The following SANBR variants were observed in gnomAD, a reference collection of about 807,000 sequenced individuals.
SANBR encodes the protein SANT and BTB domain regulator of class switch recombination.
Under a neutral mutation model 101.8 loss-of-function variants are expected in SANBR, and 77 were observed. The observed-to-expected ratio is 0.76, with a 90% CI of 0.63 to 0.91. The LOEUF is 0.91. Among genes scored for constraint, SANBR ranks in the 40% least tolerant of loss-of-function variants. The probability of loss-of-function intolerance (pLI) is 0.00; values close to 1 mark genes in which losing one functional copy is unlikely to be tolerated. For synonymous variants in SANBR, 279 were observed against 274.7 expected, an observed-to-expected ratio of 1.02 and a Z score of -0.15; for missense variants, 875 against 853.0, an observed-to-expected ratio of 1.03 and a Z score of -0.32.
rs1684364646 is a variant in SANBR, at chr2:61,122,307, A to G, written c.*145A>G. On this transcript the variant is annotated 3_prime_UTR_variant, in exon 22 of 22. Coordinates refer to ENST00000402291, the MANE Select transcript of SANBR (RefSeq NM_001129993.3). Reference sequence around the variant, plus strand: ...TCCACATAAATCATAATTCTAAAAGAAATGCATAGTTAGGTTTTATGAAAA... The same window carrying G: ...TCCACATAAATCATAATTCTAAAAGGAATGCATAGTTAGGTTTTATGAAAA... 5.4e-6 allele frequency: 7 copies of G among 1,288,828 alleles called. No homozygotes were observed. Among genetic ancestry groups the G allele is most frequent in the Non-Finnish European group, 7.1e-6 (7 of 989,786 alleles). 79.8% of individuals were successfully genotyped at this position (1,288,828 alleles called of 1,614,324 possible). A position where few individuals can be genotyped will look rare whatever the true frequency, so the allele number is the denominator to read the frequency against.
At chr2:61,073,403 A>G (rs1363685215) in intron 4 of SANBR, 55 bp from the exon 5 acceptor site, 2 of 840,180 alleles carry the variant, frequency 2.4e-6, no homozygotes, top group Non-Finnish European at 3.8e-6. Flanking sequence ...ATTCTCAGCT[A>G]GAAACACTAA....
chr2:61,070,507 A>T lies in SANBR; in HGVS notation c.150+7A>T, dbSNP rs773516899. The T allele has an allele frequency of 1.1e-5, 17 of 1,603,990 alleles. No homozygotes were observed. In the East Asian group the frequency reaches 3.6e-4, roughly 34 times the overall value. On this transcript the variant is annotated splice_region_variant and intron_variant, in intron 3 of 21. Transcript: ENST00000402291. ...TGGATTAACACCAAAAGAGGTAAAT[A>T]ACAGTCCCCCCAGAATATCTCCTGA...
intron 8 of SANBR, among the ~76,000 whole-genome samples, chr2:61,083,635 C>CGTGATCT (rs1682265144): frequency 6.6e-6 from 1 of 151,902 alleles, no homozygotes; most frequent in Non-Finnish European, 1.5e-5. Context: ...TTTGGGAGGC[C>CGTGATCT]GAGGCGGGCA....
At chr2:61,106,892 C>T (rs1253045691) in intron 14 of SANBR, among the ~76,000 whole-genome samples, 2 of 152,066 alleles carry the variant, frequency 1.3e-5, no homozygotes, top group South Asian at 2.1e-4. Flanking sequence ...GGGCCAGCCA[C>T]GGTGACTCAG....
At chr2:61,120,909 C>G (rs1684304313) in intron 20 of SANBR, among the ~76,000 whole-genome samples, 1 of 151,962 alleles carries the variant, frequency 6.6e-6, no homozygotes, top group Non-Finnish European at 1.5e-5. Flanking sequence ...GTAGGTAGAT[C>G]GACTTGACAG....
At position 61,083,946 on chromosome 2, in the gene SANBR, T is replaced by C. The variant is rs565152051; in HGVS notation, c.890+632T>C. On this transcript the variant is annotated intron_variant, in intron 8 of 21. Transcript: ENST00000402291. ...TTTGAAATTAATTTTTACTCTCTCT[T>C]TTCATTTATAGTTAGCTTATTATTA... is the stretch of plus-strand genomic sequence containing the variant. 2.7e-3 allele frequency among the ~76,000 whole-genome samples: 414 copies of C among 152,174 alleles called. 1 individual carries two copies. The highest frequency in any genetic ancestry group is 9.7e-3 in the African/African-American group (404 of 41,538).
chr2:61,110,642 G>C (rs1168550951), intron 16 of SANBR, among the ~76,000 whole-genome samples: 1 of 152,124 alleles, frequency 6.6e-6, no homozygotes, highest in African/African-American at 2.4e-5. Flanking sequence ...TTGTGCCATT[G>C]CACTCCAGCC....
At position 61,092,530 on chromosome 2, in the gene SANBR, T is replaced by C; in HGVS notation, c.1155T>C (p.Asp385=). The change falls in exon 11 of 22, where the codon GAT becomes GAC. Residue 385 remains aspartate (D), a synonymous_variant. Coordinates refer to ENST00000402291, the MANE Select transcript of SANBR (RefSeq NM_001129993.3). ...SLFEELKSWR[D]VYWRLWGTIN... Reference sequence around the variant, plus strand: ...TCGAAGAATTAAAATCTTGGAGAGATGTATACTGGCGATTGTGGGGAACAA... The same window carrying C: ...TCGAAGAATTAAAATCTTGGAGAGACGTATACTGGCGATTGTGGGGAACAA... 1 of 1,608,078 alleles carries C rather than the reference T, an allele frequency of 6.2e-7. No homozygotes were observed. Among genetic ancestry groups the C allele is most frequent in the South Asian group, 1.1e-5 (1 of 89,162 alleles).
At chr2:61,098,145 C>G (rs938171910) in intron 12 of SANBR, among the ~76,000 whole-genome samples, 53 of 149,814 alleles carry the variant, frequency 3.5e-4, no homozygotes, top group African/African-American at 1.3e-3. Flanking sequence ...GCTCTGTTGC[C>G]CAGGGTGGAG....
chr2:61,077,224 C>A, intron 6 of SANBR, 66 bp downstream of exon 6: 1 of 1,139,530 alleles, frequency 8.8e-7, no homozygotes, highest in Non-Finnish European at 1.3e-6. Context: ...TTCTTCAGGC[C>A]AAAAGTGAAA....
At chr2:61,091,603 A>G (rs1466218588) in intron 10 of SANBR, among the ~76,000 whole-genome samples, 1 of 117,468 alleles carries the variant, frequency 8.5e-6, no homozygotes, top group African/African-American at 3.4e-5. Flanking sequence ...CAAAAAAAAA[A>G]AAAAAAATTA....
At chr2:61,115,218 T>C (rs1684015822) in intron 16 of SANBR, among the ~76,000 whole-genome samples, 2 of 152,182 alleles carry the variant, frequency 1.3e-5, no homozygotes, top group Non-Finnish European at 2.9e-5. Context: ...CTTTCATTAG[T>C]TAATAGATGC....
chr2:61,079,706 A>C (rs1681989450), intron 6 of SANBR, among the ~76,000 whole-genome samples: 1 of 152,110 alleles, frequency 6.6e-6, no homozygotes. Flanking sequence ...GAAATGCAGC[A>C]AGCCTGGCCA....
chr2:61,084,922 G>A (rs1200811823), intron 8 of SANBR, among the ~76,000 whole-genome samples: 1 of 152,152 alleles, frequency 6.6e-6, no homozygotes, highest in East Asian at 1.9e-4. Context: ...TGGGGAGAGA[G>A]AGAGGATTCC....
chr2:61,134,138 C>T (rs1559160845), exon 21 of SANBR: 1 of 1,614,074 alleles, frequency 6.2e-7, no homozygotes, highest in Non-Finnish European at 8.5e-7. Flanking sequence ...TTTTTACAGA[C>T]AGACAAACTG....
chr2:61,093,637 C>A (rs1426182916), intron 11 of SANBR, among the ~76,000 whole-genome samples: 2 of 151,978 alleles, frequency 1.3e-5, no homozygotes, highest in Admixed American at 6.6e-5. Context: ...GTGATCAAAT[C>A]CAGTTTTTCA....
intron 10 of SANBR, chr2:61,089,181 T>C: frequency 1.0e-6 from 1 of 985,320 alleles, no homozygotes; most frequent in Non-Finnish European, 1.2e-6. Flanking sequence ...TTGGATTTTC[T>C]GTCATCTATT....
chr2:61,109,953 G>A (rs1317437771), intron 16 of SANBR, among the ~76,000 whole-genome samples: 3 of 151,870 alleles, frequency 2.0e-5, no homozygotes, highest in Non-Finnish European at 4.4e-5. Flanking sequence ...GTGCTCGGCC[G>A]AGAGCATGGC....
chr2:61,089,487 A>G (rs1348613161), intron 10 of SANBR: 1 of 152,138 alleles, frequency 6.6e-6, no homozygotes, highest in Non-Finnish European at 1.5e-5. Flanking sequence ...GCCTGGTGAC[A>G]GAGCAAGACT....
Sources: allele counts gnomAD v4.1 joint callset (sites outside exome capture counted in the v4.1 genomes callset), GRCh38; gene constraint gnomAD v4.1.1; transcripts MANE v1.5; gene names NCBI Gene and HGNC (gene_info 2026-07-23, HGNC 2026-07-21).